The following AHI1 variants were observed in gnomAD, a reference collection of about 807,000 sequenced individuals.
AHI1 encodes jouberin.
Under a neutral mutation model 149.3 loss-of-function variants are expected in AHI1, and 123 were observed. That is an observed-to-expected ratio of 0.82 (90% CI 0.71 to 0.96). AHI1 has a LOEUF of 0.96. Ranked by LOEUF, AHI1 falls within the 40% of genes least tolerant of loss-of-function variation. AHI1 has a pLI of 0.00. For synonymous variants in AHI1, 475 were observed against 459.8 expected (o/e 1.03, Z -0.42); for missense variants, 1,439 against 1,422.7 (o/e 1.01, Z -0.18).
intron 5 of AHI1, among the ~76,000 whole-genome samples, chr6:135,476,290 C>T (rs1342726938): frequency 6.6e-6 from 1 of 151,842 alleles, no homozygotes; most frequent in Non-Finnish European, 1.5e-5. Flanking sequence ...TAATTTGATG[C>T]TGTTGTGGCC....
intron 20 of AHI1, among the ~76,000 whole-genome samples, chr6:135,418,010 T>C (rs1782629058): frequency 8.9e-6 from 1 of 112,572 alleles, no homozygotes; most frequent in South Asian, 3.3e-4. Flanking sequence ...AGTTGGAGTA[T>C]AATTTTGCAA....
chr6:135,368,221 C>T (rs1774471737), intron 23 of AHI1, among the ~76,000 whole-genome samples: 1 of 152,140 alleles, frequency 6.6e-6, no homozygotes, highest in Non-Finnish European at 1.5e-5. Context: ...CCATGGATAC[C>T]AGCCCCTGCG....
At chr6:135,320,680 CAAATT>C (rs1786681078) in intron 25 of AHI1, among the ~76,000 whole-genome samples, 1 of 152,160 alleles carries the variant, frequency 6.6e-6, no homozygotes, top group Non-Finnish European at 1.5e-5. Context: ...ACTACATTCT[CAAATT>C]AAAGCACTTA....
At chr6:135,368,678 G>C (rs904598115) in intron 23 of AHI1, among the ~76,000 whole-genome samples, 4 of 152,116 alleles carry the variant, frequency 2.6e-5, no homozygotes, top group Non-Finnish European at 2.9e-5. Context: ...GGGAAGTGAA[G>C]GAAAGGCAGT....
intron 20 of AHI1, among the ~76,000 whole-genome samples, chr6:135,416,427 T>G (rs945350626): frequency 6.6e-6 from 1 of 151,904 alleles, no homozygotes; most frequent in Admixed American, 6.6e-5. Flanking sequence ...TCCTGAGGAA[T>G]GTAAGGGTAG....
At position 135,433,119 on chromosome 6, in the gene AHI1, C is replaced by T. The variant is rs587783013; in HGVS notation, c.2174G>A (p.Trp725Ter). ...TGCYDSMIRI[W>*]KVEMREDSAI... The stretch of plus-strand genomic sequence containing the variant: ...AGAATCTTCTCTCATCTCAACTTTC[C>T]ATATCCGTATCATGGAATCATAGCA... The change falls in exon 16 of 29, where the codon TGG (tryptophan) becomes TAG (stop). Residue 725 changes from tryptophan (W) to a stop codon, truncating the protein, a stop_gained. Coordinates refer to ENST00000265602, the MANE Select transcript of AHI1 (RefSeq NM_001134831.2). LOFTEE classifies it high-confidence loss of function. 1.1e-5 allele frequency: 17 copies of T among 1,613,580 alleles called. No individual in the cohort carries two copies. The East Asian group carries it at 2.0e-4, about 19-fold the overall frequency.
chr6:135,407,838 C>T (rs1374691016), intron 21 of AHI1, among the ~76,000 whole-genome samples: 1 of 152,044 alleles, frequency 6.6e-6, no homozygotes, highest in East Asian at 1.9e-4. Flanking sequence ...CGGTGAAACC[C>T]CGTCTCTACT....
chr6:135,386,639 G>GT (rs1044924243), intron 23 of AHI1, among the ~76,000 whole-genome samples: 41 of 147,554 alleles, frequency 2.8e-4, no homozygotes, highest in Non-Finnish European at 2.7e-4. Context: ...TTCTTTTTTT[G>GT]TTTTTTTTGA....
chr6:135,305,936 A>G (rs1288293468), intron 26 of AHI1, among the ~76,000 whole-genome samples: 1 of 151,842 alleles, frequency 6.6e-6, no homozygotes, highest in Non-Finnish European at 1.5e-5. Context: ...CCTCCCACCC[A>G]CCCGGCTCCT....
chr6:135,313,687 G>A (rs1340265903), intron 26 of AHI1, among the ~76,000 whole-genome samples: 3 of 152,180 alleles, frequency 2.0e-5, no homozygotes, highest in Admixed American at 2.0e-4. Flanking sequence ...CACCTAAGTA[G>A]AGTGGCACAG....
intron 14 of AHI1, 49 bp downstream of exon 14, chr6:135,442,533 T>C: frequency 5.9e-6 from 9 of 1,517,304 alleles, no homozygotes; most frequent in Non-Finnish European, 8.0e-6. Flanking sequence ...CTAAAGAATG[T>C]CCTCCACGTG....
intron 20 of AHI1, among the ~76,000 whole-genome samples, chr6:135,414,656 T>C (rs1782081194): frequency 6.6e-6 from 1 of 152,014 alleles, no homozygotes; most frequent in South Asian, 2.1e-4. Context: ...GAAGAAGCTA[T>C]ATGGATGACA....
intron 27 of AHI1, among the ~76,000 whole-genome samples, chr6:135,292,141 A>AAC (rs371350406): frequency 1.5e-4 from 21 of 143,866 alleles, no homozygotes; most frequent in African/African-American, 4.7e-4. Context: ...CACATACACA[A>AAC]ACACACACAC....
intron 24 of AHI1, among the ~76,000 whole-genome samples, chr6:135,327,741 CT>C (rs1787923354): frequency 6.6e-6 from 1 of 152,172 alleles, no homozygotes; most frequent in Non-Finnish European, 1.5e-5. Flanking sequence ...TCCTTCCCCC[CT>C]CTACCCTGGA....
chr6:135,318,294 G>A (rs1786278501), intron 26 of AHI1: 1 of 427,494 alleles, frequency 2.3e-6, no homozygotes, highest in Non-Finnish European at 4.2e-6. Flanking sequence ...CATCACTTAG[G>A]CTGTGACTTG....
rs777420094 is a variant in AHI1, at chr6:135,457,662, C to A, written c.983G>T (p.Ser328Ile). 87 of 1,613,868 alleles carry A rather than the reference C, an allele frequency of 5.4e-5. No homozygotes were observed. The South Asian group carries it at 9.2e-4, about 17-fold the overall frequency. ...VDGDGVHEIT[S>I]RDSPVYPKCL... is the part of the protein sequence containing the mutation. ...TTTGGGATAAACCGGGCTATCTCGG[C>A]TTGTTATTTCATGAACACCATCACC... Residue 328 changes from serine to isoleucine, a missense_variant, in exon 9 of 29, where the codon AGC becomes ATC. Ser to Ile is a moderately radical substitution (Grantham distance 142). Transcript: ENST00000265602.
intron 23 of AHI1, among the ~76,000 whole-genome samples, chr6:135,371,159 A>C (rs1258640264): frequency 6.6e-6 from 1 of 152,198 alleles, no homozygotes; most frequent in Non-Finnish European, 1.5e-5. Flanking sequence ...AGTGTAAGAA[A>C]ACACCTAATT....
At chr6:135,360,692 GT>G (rs1793726203) in intron 23 of AHI1, among the ~76,000 whole-genome samples, 1 of 152,142 alleles carries the variant, frequency 6.6e-6, no homozygotes, top group African/African-American at 2.4e-5. Context: ...AATTATAAAT[GT>G]TATGTTCATT....
intron 10 of AHI1, among the ~76,000 whole-genome samples, chr6:135,454,927 A>C (rs1283359574): frequency 2.0e-5 from 3 of 152,176 alleles, no homozygotes; most frequent in Non-Finnish European, 4.4e-5. Flanking sequence ...GGATCATAAA[A>C]ACAAGTAATT....
Sources: allele counts gnomAD v4.1 joint callset (sites outside exome capture counted in the v4.1 genomes callset), GRCh38; gene constraint gnomAD v4.1.1; transcripts MANE v1.5; gene names NCBI Gene and HGNC (gene_info 2026-07-23, HGNC 2026-07-21).